Variants in FN1 observed in about 807,000 individuals in gnomAD.
The protein encoded by FN1 is fibronectin.
FN1 carries 106 observed loss-of-function variants against 297.3 expected under a neutral mutation model. The ratio of observed to expected loss-of-function variants is 0.36; its 90% CI spans 0.30 to 0.42. The LOEUF is 0.42. Ranked by LOEUF, FN1 falls within the 10% of genes least tolerant of loss-of-function variation. The pLI is 1.00. For synonymous variants in FN1, 1,149 were observed against 1,152.6 expected (o/e 1.00, Z 0.06); for missense variants, 2,690 against 3,124.9 (o/e 0.86, Z 3.32).
rs571159227 is a variant in FN1 at position 215,386,076 on chromosome 2, C to CTTTT, written c.4612+609_4612+612dup. Among the ~76,000 whole-genome samples the CTTTT allele has an allele frequency of 6.4e-5, 7 of 109,440 alleles. 1 individual carries two copies. Among genetic ancestry groups the CTTTT allele is most frequent in the East Asian group, 8.0e-4 (2 of 2,500 alleles). 71.8% of individuals were successfully genotyped at this position (109,440 alleles called of 152,430 possible). On this transcript the variant is annotated intron_variant, in intron 28 of 45. Coordinates refer to ENST00000354785, the MANE Select transcript of FN1 (RefSeq NM_212482.4). ...CAAGCGTGAGCCATTGCGCCTGGCCCTTTTTTTTTTTTTTTTTTTGAGACA... is the reference window on the plus strand; with the variant it reads ...CAAGCGTGAGCCATTGCGCCTGGCCCTTTTTTTTTTTTTTTTTTTTTTTGAGACA...
intron 26 of FN1, among the ~76,000 whole-genome samples, chr2:215,388,838 C>T (rs780893237): frequency 6.6e-6 from 1 of 152,058 alleles, no homozygotes; most frequent in South Asian, 2.1e-4. Context: ...ATTTGATTTA[C>T]TACAATTATC....
chr2:215,379,269 C>G lies in FN1; in HGVS notation c.5483G>C (p.Ser1828Thr), dbSNP rs765637364. The G allele has an allele frequency of 6.2e-7, 1 of 1,614,040 alleles. No homozygotes were observed. Among genetic ancestry groups the G allele is most frequent in the Admixed American group, 1.7e-5 (1 of 60,014 alleles). Residue 1828 changes from serine to threonine, a missense_variant, in exon 34 of 46, where the codon AGC becomes ACC. Ser to Thr is a moderately conservative substitution (Grantham distance 58, BLOSUM62 1). Around this residue, in one of 3 missense-constraint regions of FN1, gnomAD observed 1,743 missense variants for 1,945.2 expected, o/e 0.90. Coordinates refer to ENST00000354785, the MANE Select transcript of FN1 (RefSeq NM_212482.4). ...GGGTGGTGTCCACTGGGCGCTCAGG[C>G]TTGTGGGTGTGACCTGAGTGAACTT... ...DLKFTQVTPT[S>T]LSAQWTPPNV...
Position 215,384,056 on chromosome 2 carries a change from C to T in FN1, c.4858G>A (p.Ala1620Thr), listed in dbSNP as rs766780476. 71 of 1,614,002 alleles carry T rather than the reference C, an allele frequency of 4.4e-5. No homozygotes were observed. Among genetic ancestry groups the T allele is most frequent in the East Asian group, 3.3e-4 (15 of 44,890 alleles). ...YAVTGRGDSP[A>T]SSKPISINYR... Reference sequence around the variant, plus strand: ...TTAATGGAAATTGGCTTGCTGCTTGCGGGGCTGTCTCCACGGCCAGTGACA... The same window carrying T: ...TTAATGGAAATTGGCTTGCTGCTTGTGGGGCTGTCTCCACGGCCAGTGACA... The change falls in exon 30 of 46, where the codon GCA (alanine) becomes ACA (threonine). Residue 1620 changes from alanine to threonine, a missense_variant. Around this residue, in one of 3 missense-constraint regions of FN1, gnomAD observed 1,743 missense variants for 1,945.2 expected, o/e 0.90. Transcript: ENST00000354785.
intron 27 of FN1, among the ~76,000 whole-genome samples, chr2:215,387,632 C>A (rs1317975162): frequency 6.6e-6 from 1 of 152,182 alleles, no homozygotes; most frequent in Non-Finnish European, 1.5e-5. Flanking sequence ...GTTTCAGTTA[C>A]AGCATTTACT....
Position 215,428,639 on chromosome 2 carries a change from C to T in FN1, c.686-301G>A, listed in dbSNP as rs539760787. Reference sequence around the variant, plus strand: ...AACTTCATTCTCTGGCATTATATTTCATCTTTTTCCTTCTCAGGCTCTTCC... The same window carrying T: ...AACTTCATTCTCTGGCATTATATTTTATCTTTTTCCTTCTCAGGCTCTTCC... On this transcript the variant is annotated intron_variant, in intron 5 of 45. Transcript: ENST00000354785. 2.6e-5 allele frequency among the ~76,000 whole-genome samples: 4 copies of T among 152,334 alleles called. No homozygotes were observed. The East Asian group carries it at 7.7e-4, about 29-fold the overall frequency.
intron 40 of FN1, 87 bp from the exon 41 acceptor site, chr2:215,370,519 T>A: frequency 2.0e-6 from 2 of 1,008,602 alleles, no homozygotes; most frequent in Non-Finnish European, 3.0e-6. Flanking sequence ...ACCCTCACTG[T>A]TTAAACAAAG....
intron 27 of FN1, 80 bp downstream of exon 27, chr2:215,388,132 T>TA (rs984689632): frequency 1.2e-5 from 12 of 1,023,082 alleles, no homozygotes; most frequent in Admixed American, 1.7e-5. Context: ...GGAGATGTAT[T>TA]TTTAGAAGTA....
chr2:215,380,340 A>G, intron 33 of FN1: 1 of 179,456 alleles, frequency 5.6e-6, no homozygotes, highest in Non-Finnish European at 1.2e-5. Context: ...CTAGGTGTCT[A>G]AATCACAATC....
At position 215,404,381 on chromosome 2, in the gene FN1, C is replaced by T. The variant is rs1289053722; in HGVS notation, c.3253+8G>A. 1 of 1,612,374 alleles carries T rather than the reference C, an allele frequency of 6.2e-7. No homozygotes were observed. Among genetic ancestry groups the T allele is most frequent in the Admixed American group, 1.7e-5 (1 of 59,912 alleles). On this transcript the variant is annotated splice_region_variant and intron_variant, in intron 20 of 45. Transcript: ENST00000354785. ...TAGTTAAGAAAAGGCACTTAATTTT[C>T]AGCTTACGTGTGGTAAAGACTCCAG...
intron 33 of FN1, 70 bp from the exon 34 acceptor site, chr2:215,379,387 CAAG>C: frequency 1.4e-6 from 2 of 1,412,860 alleles, no homozygotes; most frequent in South Asian, 2.3e-5. Context: ...AAGTGAGTTC[CAAG>C]AAGTAGAATG....
In FN1 at chr2:215,392,923, A is replaced by C; in HGVS notation, c.4069+8T>G. 1 of 1,612,346 alleles carries C rather than the reference A, an allele frequency of 6.2e-7. No homozygotes were observed. The highest frequency in any genetic ancestry group is 1.3e-5 in the African/African-American group (1 of 74,994). ...TATGTCTCAAACGCAGAAGTTTTCAAAATTCACCCGTTTGTTGTGTCAGTG... is the reference window on the plus strand; with the variant it reads ...TATGTCTCAAACGCAGAAGTTTTCACAATTCACCCGTTTGTTGTGTCAGTG... On this transcript the variant is annotated splice_region_variant and intron_variant, in intron 25 of 45. Coordinates refer to ENST00000354785, the MANE Select transcript of FN1 (RefSeq NM_212482.4).
chr2:215,434,518 T>C (rs1478488717), intron 2 of FN1, among the ~76,000 whole-genome samples, 178 bp downstream of exon 2: 5 of 152,242 alleles, frequency 3.3e-5, no homozygotes, highest in African/African-American at 1.2e-4. Flanking sequence ...ATTCGTTTCT[T>C]TGTTTTAAAG....
At chr2:215,373,791 G>A (rs1204733550) in intron 38 of FN1, among the ~76,000 whole-genome samples, 1 of 148,924 alleles carries the variant, frequency 6.7e-6, no homozygotes, top group East Asian at 2.0e-4. Context: ...CCATTCTCCT[G>A]CCTCAGCCAC....
chr2:215,423,188 A>ACG (rs1449453611), intron 9 of FN1, among the ~76,000 whole-genome samples, 162 bp downstream of exon 9: 4 of 151,672 alleles, frequency 2.6e-5, no homozygotes, highest in Non-Finnish European at 2.9e-5. Flanking sequence ...CATCACACAC[A>ACG]CACACACACA....
At chr2:215,369,138 G>T (rs1353568744) in intron 41 of FN1, among the ~76,000 whole-genome samples, 1 of 148,428 alleles carries the variant, frequency 6.7e-6, no homozygotes, top group South Asian at 2.1e-4. Flanking sequence ...AACTTAAATT[G>T]TTACTAGGGG....
chr2:215,384,710 A>G, intron 29 of FN1, 150 bp downstream of exon 29: 2 of 651,890 alleles, frequency 3.1e-6, no homozygotes, highest in South Asian at 1.9e-5. Flanking sequence ...TATATCATCT[A>G]TATCTTACGT....
Position 215,380,917 on chromosome 2 carries a change from GTCT to G in FN1, c.5325_5327del (p.Glu1775del). ...GTCTGAGGCCTTGCAGCTCTGCAGTGTCTTCTTCACCATCAGGTGCAGGGAATA... is the reference window on the plus strand; with the variant it reads ...GTCTGAGGCCTTGCAGCTCTGCAGTGTCTTCACCATCAGGTGCAGGGAATA... On this transcript the variant is annotated inframe_deletion, in exon 33 of 46. Transcript: ENST00000354785. 1 of 1,614,204 alleles carries G rather than the reference GTCT, an allele frequency of 6.2e-7. No individual in the cohort carries two copies. Among genetic ancestry groups the G allele is most frequent in the South Asian group, 1.1e-5 (1 of 91,086 alleles).
At chr2:215,409,384 G>A (rs113515501) in intron 15 of FN1, among the ~76,000 whole-genome samples, 179 bp downstream of exon 15, 86 of 152,054 alleles carry the variant, frequency 5.7e-4, no homozygotes, top group African/African-American at 2.0e-3. Context: ...GGAAAAACCC[G>A]GCCACTTCTT....
rs753002890 is a variant in FN1, at chr2:215,361,550, A to T, written c.*5T>A. 6.3e-7 allele frequency: 1 copy of T among 1,594,634 alleles called. No individual in the cohort carries two copies. The highest frequency in any genetic ancestry group is 8.6e-7 in the Non-Finnish European group (1 of 1,162,228). The stretch of plus-strand genomic sequence containing the variant: ...ATGCTTGTTCCTCTGGATTGGAAAG[A>T]TGATTTACTCTCGGGAATCTTCTCT... On this transcript the variant is annotated 3_prime_UTR_variant, in exon 46 of 46. Coordinates refer to ENST00000354785, the MANE Select transcript of FN1 (RefSeq NM_212482.4).
Sources: allele counts gnomAD v4.1 joint callset (sites outside exome capture counted in the v4.1 genomes callset), GRCh38; gene constraint gnomAD v4.1.1; regional missense constraint gnomAD v4.1.1; transcripts MANE v1.5; gene names NCBI Gene and HGNC (gene_info 2026-07-23, HGNC 2026-07-21).